The following CBLC variants were observed in gnomAD, a reference collection of about 807,000 sequenced individuals.
CBLC encodes the protein E3 ubiquitin-protein ligase CBL-C.
A neutral mutation model predicts 58.6 loss-of-function variants in CBLC; 46 were observed. That is an observed-to-expected ratio of 0.79 (90% CI 0.62 to 1.00). CBLC has a LOEUF of 1.00. CBLC is among the 50% of genes least tolerant of loss of function. The pLI, the probability that CBLC is intolerant of heterozygous loss-of-function variation, is 0.00. For missense variants in CBLC, 655 were observed against 625.8 expected (o/e 1.05, Z -0.50); for synonymous variants, 271 against 264.2 (o/e 1.03, Z -0.25).
rs1366818760 is a variant in CBLC at position 44,778,009 on chromosome 19, G to C, written c.78G>C (p.Gln26His). The change falls in exon 1 of 11, where the codon CAG becomes CAC. Residue 26 changes from glutamine to histidine, a missense_variant. Around this residue, in one of 3 missense-constraint regions of CBLC, gnomAD observed 280 missense variants for 237.2 expected, o/e 1.18. Coordinates refer to ENST00000647358, the MANE Select transcript of CBLC (RefSeq NM_012116.4). Reference sequence around the variant, plus strand: ...TGGGCCGGGCAGTCAGGATGCTGCAGCGCCTAGAAGAGCAATGCGTCGACC... The same window carrying C: ...TGGGCCGGGCAGTCAGGATGCTGCACCGCCTAGAAGAGCAATGCGTCGACC... ...RALGRAVRML[Q>H]RLEEQCVDPR... The C allele has an allele frequency of 1.9e-6, 3 of 1,609,064 alleles. No homozygotes were observed. The highest frequency in any genetic ancestry group is 1.6e-4 in the Middle Eastern group (1 of 6,078).
rs757201148 is a variant in CBLC, at chr19:44,778,142, G to A, written c.211G>A (p.Gly71Arg). 1.9e-6 allele frequency: 3 copies of A among 1,588,722 alleles called. No individual in the cohort carries two copies. In the South Asian group the frequency reaches 3.4e-5, roughly 18 times the overall value. Residue 71 changes from glycine (G) to arginine (R), a missense_variant, in exon 1 of 11, where the codon GGG (glycine) becomes AGG (arginine). By Grantham distance (125) the Gly-to-Arg change is moderately radical (BLOSUM62 -2). Transcript: ENST00000647358. ...SRRAAGGGGPGGPGGSGDFLL... is the reference protein window; with the variant it reads ...SRRAAGGGGPRGPGGSGDFLL... ...GCGGGCGGCCGGCGGAGGCGGCCCC[G>A]GGGGTCCCGGCGGCTCTGGGGACTT...
At chr19:44,795,628 G>A (rs960859586) in intron 9 of CBLC, among the ~76,000 whole-genome samples, 2 of 151,612 alleles carry the variant, frequency 1.3e-5, no homozygotes, top group East Asian at 1.9e-4. Context: ...GCGGAACCCC[G>A]TTCTCTAAAA....
At chr19:44,795,295 G>A (rs1968156289) in intron 9 of CBLC, among the ~76,000 whole-genome samples, 1 of 151,582 alleles carries the variant, frequency 6.6e-6, no homozygotes, top group Non-Finnish European at 1.5e-5. Context: ...GCAGGAGGAC[G>A]GCTTGAGCCC....
intron 5 of CBLC, among the ~76,000 whole-genome samples, chr19:44,784,881 A>G (rs1001168415): frequency 1.4e-5 from 2 of 142,482 alleles, no homozygotes; most frequent in South Asian, 4.7e-4. Flanking sequence ...TTGTTTCTAG[A>G]TATGAGATCC....
chr19:44,798,887 C>T (rs1968231804), intron 9 of CBLC, among the ~76,000 whole-genome samples: 1 of 152,158 alleles, frequency 6.6e-6, no homozygotes, highest in Admixed American at 6.6e-5. Flanking sequence ...TCCTTTCCGG[C>T]AACATTGGAC....
At chr19:44,791,051 G>A (rs534316615) in intron 6 of CBLC, among the ~76,000 whole-genome samples, 3 of 151,836 alleles carry the variant, frequency 2.0e-5, no homozygotes, top group Non-Finnish European at 2.9e-5. Flanking sequence ...CCCAGGAGGC[G>A]GAGGTTGCAG....
chr19:44,792,581 G>C, intron 7 of CBLC, 67 bp downstream of exon 7: 5 of 1,439,428 alleles, frequency 3.5e-6, no homozygotes, highest in Non-Finnish European at 1.8e-6. Flanking sequence ...GCCCCAAAAG[G>C]ATCTCCATGC....
chr19:44,789,481 G>A (rs1967991042), intron 5 of CBLC, among the ~76,000 whole-genome samples: 1 of 151,486 alleles, frequency 6.6e-6, no homozygotes, highest in Non-Finnish European at 1.5e-5. Context: ...TTGGCTCACT[G>A]CAACCTCTGC....
At chr19:44,789,211 C>T (rs1967984561) in intron 5 of CBLC, among the ~76,000 whole-genome samples, 1 of 152,144 alleles carries the variant, frequency 6.6e-6, no homozygotes, top group East Asian at 1.9e-4. Flanking sequence ...TGACCTTGGG[C>T]AAATGCCTTT....
Position 44,778,271 on chromosome 19 carries a change from G to T in CBLC, c.340G>T (p.Gly114Cys). The part of the protein sequence containing the change: ...RSANDELFRA[G>C]SRLRRQLAKL... ...TGCCAACGACGAGCTCTTCCGGGCG[G>T]GCTCCAGACTCAGGTGAGCCTTCGC... Residue 114 changes from glycine to cysteine, a missense_variant, in exon 1 of 11, where the codon GGC (glycine) becomes TGC (cysteine). Coordinates refer to ENST00000647358, the MANE Select transcript of CBLC (RefSeq NM_012116.4). 7.0e-7 allele frequency: 1 copy of T among 1,438,470 alleles called. No homozygotes were observed. Among genetic ancestry groups the T allele is most frequent in the Non-Finnish European group, 9.1e-7 (1 of 1,098,246 alleles). 89.1% of individuals were successfully genotyped at this position (1,438,470 alleles called of 1,614,324 possible).
At chr19:44,789,603 C>A (rs1003991169) in intron 5 of CBLC, among the ~76,000 whole-genome samples, 1 of 152,172 alleles carries the variant, frequency 6.6e-6, no homozygotes, top group Non-Finnish European at 1.5e-5. Flanking sequence ...GTTAGCCAAG[C>A]TGGTCTTGAA....
At chr19:44,798,668 G>A (rs929180150) in intron 9 of CBLC, among the ~76,000 whole-genome samples, 11 of 152,218 alleles carry the variant, frequency 7.2e-5, no homozygotes, top group Non-Finnish European at 1.5e-4. Flanking sequence ...GCCAGGAGGT[G>A]GAAGTTGCAG....
At position 44,793,347 on chromosome 19, in the gene CBLC, C is replaced by T. The variant is rs374345428; in HGVS notation, c.1138-127C>T. The T allele has an allele frequency of 6.5e-5, 67 of 1,038,370 alleles. No homozygotes were observed. The East Asian group carries it at 7.2e-4, about 11-fold the overall frequency. The allele number at this position is 1,038,370 out of a possible 1,614,324, so 64.3% of individuals were successfully genotyped here. On this transcript the variant is annotated intron_variant, in intron 7 of 10. Coordinates refer to ENST00000647358, the MANE Select transcript of CBLC (RefSeq NM_012116.4). ...CCTCTGCTCTCCACGACTCTTCTCT[C>T]CTTCCGTCTCCCTTCCTCTGTCTGT...
At chr19:44,799,937 C>T (rs1161768684) in intron 9 of CBLC, among the ~76,000 whole-genome samples, 2 of 152,134 alleles carry the variant, frequency 1.3e-5, no homozygotes, top group Non-Finnish European at 2.9e-5. Context: ...TGGGAACTGT[C>T]TGTGGGGCAC....
At chr19:44,798,321 T>C (rs1186899863) in intron 9 of CBLC, among the ~76,000 whole-genome samples, 1 of 151,746 alleles carries the variant, frequency 6.6e-6, no homozygotes, top group Non-Finnish European at 1.5e-5. Flanking sequence ...TTGCTGGCAT[T>C]AGCCACTTCG....
At chr19:44,789,306 G>T (rs149841719) in intron 5 of CBLC, among the ~76,000 whole-genome samples, 1 of 152,206 alleles carries the variant, frequency 6.6e-6, no homozygotes, top group Non-Finnish European at 1.5e-5. Context: ...GATATTATCA[G>T]ATTCTAGGAT....
intron 9 of CBLC, among the ~76,000 whole-genome samples, chr19:44,799,648 G>GTTA (rs764955770): frequency 1.4e-5 from 2 of 143,726 alleles, no homozygotes; most frequent in African/African-American, 5.5e-5. Flanking sequence ...TTTTCGGTTT[G>GTTA]TTGTTGTTGT....
chr19:44,781,057 T>C lies in CBLC; in HGVS notation c.500+6T>C, dbSNP rs1469635020. 3.7e-6 allele frequency: 6 copies of C among 1,610,106 alleles called. No homozygotes were observed. The highest frequency in any genetic ancestry group is 5.1e-6 in the Non-Finnish European group (6 of 1,178,752). The stretch of plus-strand genomic sequence containing the variant: ...AGGGAAAGTTGCGGAGCCCGGTGAG[T>C]AAGCCCTTGTCCTCAGCTCCCGGAG... On this transcript the variant is annotated splice_donor_region_variant and intron_variant, in intron 2 of 10. Coordinates refer to ENST00000647358, the MANE Select transcript of CBLC (RefSeq NM_012116.4).
intron 5 of CBLC, among the ~76,000 whole-genome samples, chr19:44,784,855 C>T (rs2122429363): frequency 6.6e-6 from 1 of 150,510 alleles, no homozygotes; most frequent in South Asian, 2.1e-4. Flanking sequence ...CGTGAGCCAC[C>T]GTGCCCAGCC....
Sources: allele counts gnomAD v4.1 joint callset (sites outside exome capture counted in the v4.1 genomes callset), GRCh38; gene constraint gnomAD v4.1.1; regional missense constraint gnomAD v4.1.1; transcripts MANE v1.5; gene names NCBI Gene and HGNC (gene_info 2026-07-23, HGNC 2026-07-21).